PCSK5: variants seen among roughly 807,000 people sequenced by gnomAD.
PCSK5 encodes proprotein convertase subtilisin/kexin type 5.
PCSK5 carries 129 observed loss-of-function variants against 233.2 expected under a neutral mutation model. The observed-to-expected ratio is 0.55, with a 90% CI of 0.48 to 0.64. PCSK5 has a LOEUF of 0.64. PCSK5 is among the 30% of genes least tolerant of loss of function. The pLI is 0.00. For synonymous variants in PCSK5, 825 were observed against 879.2 expected (o/e 0.94, Z 1.09); for missense variants, 2,076 against 2,430.1 (o/e 0.85, Z 3.06).
intron 30 of PCSK5, among the ~76,000 whole-genome samples, chr9:76,319,191 G>A (rs185010579): frequency 1.4e-3 from 211 of 152,174 alleles, no homozygotes; most frequent in Middle Eastern, 3.4e-3. Context: ...TAGGCCGGGC[G>A]CGGTGGCTCA....
intron 2 of PCSK5, among the ~76,000 whole-genome samples, chr9:75,975,651 T>A (rs1825984853): frequency 6.6e-6 from 1 of 152,176 alleles, no homozygotes. Flanking sequence ...GGCACAGATT[T>A]GTGGGATTGG....
In PCSK5 at chr9:76,272,412, T is replaced by C. The variant is rs552433372; in HGVS notation, c.3143-19821T>C. ...TCTCTCCTCTAATAATGGCCTTCTTTCTGAAATGTAAACCTGACGGTGACA... is the reference window on the plus strand; with the variant it reads ...TCTCTCCTCTAATAATGGCCTTCTTCCTGAAATGTAAACCTGACGGTGACA... On this transcript the variant is annotated intron_variant, in intron 24 of 37. Transcript: ENST00000674117. 7.2e-5 allele frequency among the ~76,000 whole-genome samples: 11 copies of C among 152,176 alleles called. No homozygotes were observed. In the South Asian group the frequency reaches 2.3e-3, roughly 32 times the overall value.
intron 28 of PCSK5, among the ~76,000 whole-genome samples, chr9:76,307,244 C>T (rs1376100311): frequency 2.0e-5 from 3 of 152,102 alleles, no homozygotes; most frequent in East Asian, 1.9e-4. Flanking sequence ...GTGACTAGAG[C>T]GCCATCTATA....
intron 37 of PCSK5, among the ~76,000 whole-genome samples, chr9:76,355,317 A>T (rs986508183): frequency 6.6e-6 from 1 of 151,900 alleles, no homozygotes; most frequent in African/African-American, 2.4e-5. Flanking sequence ...CTAAAAATAC[A>T]AAAAAATTAG....
Position 76,062,152 on chromosome 9 carries a change from G to A in PCSK5, c.633-5803G>A, listed in dbSNP as rs1218572440. On this transcript the variant is annotated intron_variant, in intron 5 of 37. Transcript: ENST00000674117. ...AGTCCTGGCTACTCAAGGGGCTGAGGTGATACAATTGCTTGAGCCCAGGAG... is the reference window on the plus strand; with the variant it reads ...AGTCCTGGCTACTCAAGGGGCTGAGATGATACAATTGCTTGAGCCCAGGAG... Among the ~76,000 whole-genome samples, 4 of 152,048 alleles carry A rather than the reference G, an allele frequency of 2.6e-5. No individual in the cohort carries two copies. The East Asian group carries it at 7.7e-4, about 29-fold the overall frequency.
At chr9:75,976,804 A>G (rs1410559255) in intron 2 of PCSK5, among the ~76,000 whole-genome samples, 1 of 151,992 alleles carries the variant, frequency 6.6e-6, no homozygotes, top group Non-Finnish European at 1.5e-5. Flanking sequence ...ATGTTTAATC[A>G]TATTTAATAT....
chr9:76,185,798 C>T (rs1040586751), intron 17 of PCSK5, among the ~76,000 whole-genome samples: 14 of 152,088 alleles, frequency 9.2e-5, no homozygotes, highest in African/African-American at 3.1e-4. Context: ...TTAACTACTC[C>T]GAGCCTTCAT....
At chr9:75,931,032 G>A (rs1403210746) in intron 1 of PCSK5, among the ~76,000 whole-genome samples, 3 of 152,148 alleles carry the variant, frequency 2.0e-5, no homozygotes, top group African/African-American at 7.2e-5. Context: ...GATTTCATCT[G>A]TGTAGGTCAG....
chr9:76,050,996 G>GCCCC (rs1829610067), intron 5 of PCSK5, among the ~76,000 whole-genome samples: 1 of 152,152 alleles, frequency 6.6e-6, no homozygotes, highest in African/African-American at 2.4e-5. Flanking sequence ...ATGCTCATAA[G>GCCCC]AGCAATATTT....
chr9:76,023,293 T>C (rs748158383), intron 3 of PCSK5, among the ~76,000 whole-genome samples: 2 of 152,178 alleles, frequency 1.3e-5, no homozygotes, highest in African/African-American at 4.8e-5. Flanking sequence ...CCTTCCTGTC[T>C]TCCCTTGTTC....
At chr9:75,908,905 A>ATCTGTCTG (rs1554704458) in intron 1 of PCSK5, among the ~76,000 whole-genome samples, 1 of 130,514 alleles carries the variant, frequency 7.7e-6, no homozygotes, top group African/African-American at 3.0e-5. Flanking sequence ...CTATCTATCT[A>ATCTGTCTG]TCTATCTATC....
rs139321476 is a variant in PCSK5, at chr9:76,296,846, G to A, written c.3504G>A (p.Glu1168=). 2.9e-5 allele frequency: 47 copies of A among 1,610,456 alleles called. No individual in the cohort carries two copies. The African/African-American group carries it at 5.6e-4, about 19-fold the overall frequency. The change falls in exon 27 of 38, where the codon GAG becomes GAA. Residue 1168 remains glutamate (E), a synonymous_variant. Transcript: ENST00000674117. ...GMCVHATKTQ[E]EGKFWNEAVS... ...GCGTGCATGCCACCAAGACCCAGGAGGAGGGCAAATTCTGGAATGGTATGT... is the reference window on the plus strand; with the variant it reads ...GCGTGCATGCCACCAAGACCCAGGAAGAGGGCAAATTCTGGAATGGTATGT...
intron 2 of PCSK5, among the ~76,000 whole-genome samples, chr9:75,970,767 G>A (rs1054208895): frequency 5.9e-5 from 9 of 151,860 alleles, no homozygotes; most frequent in Non-Finnish European, 5.9e-5. Flanking sequence ...GACTACCGGC[G>A]CACACTGCCA....
chr9:76,326,696 G>C (rs143025873), intron 32 of PCSK5, among the ~76,000 whole-genome samples: 29 of 152,274 alleles, frequency 1.9e-4, no homozygotes, highest in African/African-American at 6.7e-4. Context: ...TTACAGGGGG[G>C]CCTGCTATGT....
At chr9:75,896,199 G>GA in intron 1 of PCSK5, among the ~76,000 whole-genome samples, 1 of 152,238 alleles carries the variant, frequency 6.6e-6, no homozygotes, top group African/African-American at 2.4e-5. Flanking sequence ...ACCTTTGCTG[G>GA]AAAAAACAAT....
At chr9:76,113,904 A>T (rs1447639723) in intron 9 of PCSK5, among the ~76,000 whole-genome samples, 1 of 152,148 alleles carries the variant, frequency 6.6e-6, no homozygotes, top group African/African-American at 2.4e-5. Flanking sequence ...GTAAAATTGC[A>T]GAGGGCATAC....
intron 8 of PCSK5, among the ~76,000 whole-genome samples, chr9:76,096,789 CAG>C (rs1831533153): frequency 6.6e-6 from 1 of 151,970 alleles, no homozygotes; most frequent in Non-Finnish European, 1.5e-5. Context: ...TTAGTAGAGA[CAG>C]GGTTTCACCA....
chr9:75,890,416 A>G (rs1825526119), upstream of PCSK5, among the ~76,000 whole-genome samples: 1 of 152,092 alleles, frequency 6.6e-6, no homozygotes, highest in Non-Finnish European at 1.5e-5. Flanking sequence ...ATACAAATCC[A>G]GCAGGGAGGG....
chr9:76,172,044 T>C (rs904846287), intron 13 of PCSK5, among the ~76,000 whole-genome samples: 2 of 152,188 alleles, frequency 1.3e-5, no homozygotes. Context: ...AGTAAGCGAA[T>C]AGAAATTCAG....
Sources: allele counts gnomAD v4.1 joint callset (sites outside exome capture counted in the v4.1 genomes callset), GRCh38; gene constraint gnomAD v4.1.1; transcripts MANE v1.5; gene names NCBI Gene and HGNC (gene_info 2026-07-23, HGNC 2026-07-21).